Variants in WRN observed in about 807,000 individuals in gnomAD.
WRN encodes the protein WRN RecQ like helicase.
WRN carries 149 observed loss-of-function variants against 180.7 expected under a neutral mutation model. The ratio of observed to expected loss-of-function variants is 0.82; its 90% CI spans 0.72 to 0.94. The LOEUF (loss-of-function observed/expected upper bound fraction) is 0.94. Ranked by LOEUF, WRN falls within the 40% of genes least tolerant of loss-of-function variation. The probability of loss-of-function intolerance (pLI) is 0.00; values close to 1 mark genes in which losing one functional copy is unlikely to be tolerated. For synonymous variants in WRN, 548 were observed against 568.9 expected (o/e 0.96, Z 0.52); for missense variants, 1,661 against 1,700.1 (o/e 0.98, Z 0.40).
intron 23 of WRN, chr8:31,131,740 C>T (rs1306127755): frequency 6.5e-6 from 1 of 152,748 alleles, no homozygotes; most frequent in East Asian, 1.9e-4. Context: ...TAAACTGCAC[C>T]ACAGTTTAAG....
intron 1 of WRN, among the ~76,000 whole-genome samples, chr8:31,039,963 T>G (rs1475436356): frequency 2.0e-5 from 3 of 152,224 alleles, no homozygotes. Context: ...GCTACTGTTT[T>G]GAGCATAGGC....
chr8:31,082,249 A>G (rs1183222539), intron 9 of WRN, among the ~76,000 whole-genome samples: 1 of 152,130 alleles, frequency 6.6e-6, no homozygotes, highest in African/African-American at 2.4e-5. Context: ...TATTCTCTGA[A>G]ATTTTATATT....
chr8:31,165,911 T>C (rs1803838200), intron 33 of WRN, among the ~76,000 whole-genome samples: 1 of 152,166 alleles, frequency 6.6e-6, no homozygotes, highest in South Asian at 2.1e-4. Context: ...TTGAGAGATG[T>C]GATCATCACG....
At chr8:31,052,122 G>GA (rs1812098452) in intron 1 of WRN, among the ~76,000 whole-genome samples, 1 of 152,078 alleles carries the variant, frequency 6.6e-6, no homozygotes, top group Admixed American at 6.6e-5. Context: ...ACCCTTTAGA[G>GA]AAAAAAATTG....
At chr8:31,150,591 T>A in intron 31 of WRN, 136 bp downstream of exon 31, 1 of 751,428 alleles carries the variant, frequency 1.3e-6, no homozygotes, top group Non-Finnish European at 2.3e-6. Context: ...GAATTAAAAT[T>A]GTTTTTACAG....
intron 7 of WRN, among the ~76,000 whole-genome samples, chr8:31,070,511 C>T (rs554299119): frequency 1.2e-4 from 19 of 152,002 alleles, no homozygotes; most frequent in South Asian, 4.2e-4. Flanking sequence ...GAGCATTTTA[C>T]GATATGGGAA....
intron 33 of WRN, among the ~76,000 whole-genome samples, chr8:31,159,135 A>T (rs1803507206): frequency 6.6e-6 from 1 of 151,766 alleles, no homozygotes; most frequent in Admixed American, 6.6e-5. Context: ...CCCCATCTCT[A>T]CAAAAAATAA....
At chr8:31,078,652 A>C (rs1030305405) in intron 8 of WRN, among the ~76,000 whole-genome samples, 2 of 152,196 alleles carry the variant, frequency 1.3e-5, no homozygotes, top group African/African-American at 4.8e-5. Flanking sequence ...GTGGACTCTG[A>C]AGGTATTGGC....
intron 3 of WRN, among the ~76,000 whole-genome samples, chr8:31,062,869 T>A (rs968004730): frequency 4.6e-5 from 7 of 152,168 alleles, no homozygotes; most frequent in Non-Finnish European, 8.8e-5. Flanking sequence ...TCTTGCTCTG[T>A]TATCCAGGCT....
chr8:31,085,258 A>G lies in WRN; in HGVS notation c.1431+12A>G, dbSNP rs1382519050. 4.3e-6 allele frequency: 7 copies of G among 1,612,344 alleles called. No homozygotes were observed. The highest frequency in any genetic ancestry group is 5.1e-6 in the Non-Finnish European group (6 of 1,179,004). On this transcript the variant is annotated intron_variant, in intron 11 of 34. Transcript: ENST00000298139. ...TGGAGATGCTTAAGGTATGTTTACA[A>G]TTATAAAAACATTACTTCAAGTTCT...
At position 31,064,431 on chromosome 8, in the gene WRN, T is replaced by TC. The variant is rs2130033361; in HGVS notation, c.353dup (p.Val119SerfsTer11). On this transcript the variant is annotated frameshift_variant, in exon 4 of 35. Coordinates refer to ENST00000298139, the MANE Select transcript of WRN (RefSeq NM_000553.6). LOFTEE classifies it high-confidence loss of function. Reference sequence around the variant, plus strand: ...TTACTTGTTCCACGTTTCTTCCATGTCAGGTTGGTATCTCTACATTTCATT... The same window carrying TC: ...TTACTTGTTCCACGTTTCTTCCATGTCCAGGTTGGTATCTCTACATTTCATT... 6.2e-7 allele frequency: 1 copy of TC among 1,614,112 alleles called. No homozygotes were observed. The highest frequency in any genetic ancestry group is 1.7e-5 in the Admixed American group (1 of 60,020).
chr8:31,060,916 C>T (rs1812464085), intron 3 of WRN, among the ~76,000 whole-genome samples: 1 of 152,196 alleles, frequency 6.6e-6, no homozygotes. Flanking sequence ...AGGTTTCCAA[C>T]AATTTGATTA....
chr8:31,087,875 G>C lies in WRN; in HGVS notation c.1531G>C (p.Asp511His), dbSNP rs368413625. The change falls in exon 12 of 35, where the codon GAT becomes CAT. Residue 511 changes from aspartate to histidine, a missense_variant. Asp to His is a moderately conservative substitution (Grantham distance 81, BLOSUM62 -1). Coordinates refer to ENST00000298139, the MANE Select transcript of WRN (RefSeq NM_000553.6). ...TCTTCCTACTAAAGAAGAAGAAGAA[G>C]ATGATGAAAATGAAGCTAATGAAGG... ...LGLPTKEEEE[D>H]DENEANEGEE... 176 of 1,613,558 alleles carry C rather than the reference G, an allele frequency of 1.1e-4. No homozygotes were observed. Among genetic ancestry groups the C allele is most frequent in the Admixed American group, 3.3e-4 (20 of 59,980 alleles).
At chr8:31,101,247 A>AC (rs1320251496) in intron 18 of WRN, among the ~76,000 whole-genome samples, 2 of 152,032 alleles carry the variant, frequency 1.3e-5, no homozygotes, top group Admixed American at 1.3e-4. Context: ...TCTTTTAGTA[A>AC]CCCTTTAAAA....
At chr8:31,158,419 AG>A (rs1163062924) in intron 33 of WRN, among the ~76,000 whole-genome samples, 2 of 151,562 alleles carry the variant, frequency 1.3e-5, no homozygotes, top group Admixed American at 6.6e-5. Context: ...TTTTTTTAAC[AG>A]AAGTAAATAG....
intron 18 of WRN, among the ~76,000 whole-genome samples, chr8:31,109,266 TA>T (rs1753677516): frequency 6.6e-6 from 1 of 152,220 alleles, no homozygotes; most frequent in African/African-American, 2.4e-5. Flanking sequence ...AACGAAGTAC[TA>T]GCTTGTTTAG....
At chr8:31,145,142 A>T (rs1184664029) in intron 28 of WRN, among the ~76,000 whole-genome samples, 1 of 152,270 alleles carries the variant, frequency 6.6e-6, no homozygotes, top group Non-Finnish European at 1.5e-5. Flanking sequence ...AGCTAAGATC[A>T]TCGATGAAGG....
rs987703882 is a variant in WRN, at chr8:31,137,885, C to T, written c.2968-3545C>T. Reference sequence around the variant, plus strand: ...AGACCGAGGCACGAGGATCTCTCAACCCCAGGAGTTCAAGACCAGTCTAGG... The same window carrying T: ...AGACCGAGGCACGAGGATCTCTCAATCCCAGGAGTTCAAGACCAGTCTAGG... On this transcript the variant is annotated intron_variant, in intron 24 of 34. Transcript: ENST00000298139. Among the ~76,000 whole-genome samples, 7 of 152,138 alleles carry T rather than the reference C, an allele frequency of 4.6e-5. No homozygotes were observed. The East Asian group carries it at 1.4e-3, about 29-fold the overall frequency.
At chr8:31,150,487 A>G in intron 31 of WRN, 32 bp downstream of exon 31, 1 of 1,589,936 alleles carries the variant, frequency 6.3e-7, no homozygotes. Flanking sequence ...GAGCTCTTAG[A>G]GAATAAGCAT....
Sources: allele counts gnomAD v4.1 joint callset (sites outside exome capture counted in the v4.1 genomes callset), GRCh38; gene constraint gnomAD v4.1.1; transcripts MANE v1.5; gene names NCBI Gene and HGNC (gene_info 2026-07-23, HGNC 2026-07-21).